IFT122: variants seen among roughly 807,000 people sequenced by gnomAD.
The protein encoded by IFT122 is intraflagellar transport 122.
Under a neutral mutation model 161.6 loss-of-function variants are expected in IFT122, and 118 were observed. The observed-to-expected ratio is 0.73, with a 90% CI of 0.63 to 0.85. The LOEUF (loss-of-function observed/expected upper bound fraction) is 0.85, where lower values mean the gene tolerates loss of function less well. Among genes scored for constraint, IFT122 ranks in the 40% least tolerant of loss-of-function variants. The pLI is 0.00. For synonymous variants in IFT122, 550 were observed against 602.4 expected, an observed-to-expected ratio of 0.91 and a Z score of 1.27; for missense variants, 1,381 against 1,579.6, an observed-to-expected ratio of 0.87 and a Z score of 2.13.
chr3:129,470,716 A>T (rs1015661530), intron 9 of IFT122, among the ~76,000 whole-genome samples: 1 of 151,924 alleles, frequency 6.6e-6, no homozygotes, highest in African/African-American at 2.4e-5. Flanking sequence ...GATTACAGGC[A>T]TGTGCCACCA....
chr3:129,442,476 C>T (rs975401957), intron 1 of IFT122, among the ~76,000 whole-genome samples: 1 of 151,864 alleles, frequency 6.6e-6, no homozygotes, highest in South Asian at 2.1e-4. Context: ...TTTGAGACAA[C>T]CTATTAGGAT....
intron 10 of IFT122, 77 bp downstream of exon 10, chr3:129,476,583 A>G: frequency 6.2e-7 from 1 of 1,613,492 alleles, no homozygotes. Context: ...GAGTCACATC[A>G]CTGGGGTTTG....
chr3:129,481,707 A>C lies in IFT122; in HGVS notation c.1653+13A>C. 6.2e-7 allele frequency: 1 copy of C among 1,613,284 alleles called. No homozygotes were observed. The highest frequency in any genetic ancestry group is 8.5e-7 in the Non-Finnish European group (1 of 1,179,370). On this transcript the variant is annotated intron_variant, in intron 14 of 29. Coordinates refer to ENST00000348417, the MANE Select transcript of IFT122 (RefSeq NM_052989.3). ...GCTGCTTTTTCAGGTGAAGTCCCTG[A>C]GGGGGCCCAGGGACATCATCCTTTG...
chr3:129,456,030 G>A (rs1187764098), intron 3 of IFT122: 5 of 444,144 alleles, frequency 1.1e-5, no homozygotes, highest in Non-Finnish European at 2.3e-5. Context: ...GGGGTCAACT[G>A]TATGTACACA....
intron 3 of IFT122, among the ~76,000 whole-genome samples, chr3:129,453,428 G>A (rs998579809): frequency 3.3e-5 from 5 of 152,168 alleles, no homozygotes; most frequent in Non-Finnish European, 7.3e-5. Flanking sequence ...CCCAGGAGGT[G>A]TAGTGAGATC....
chr3:129,473,172 G>A lies in IFT122; in HGVS notation c.817-3143G>A, dbSNP rs112375495. 4.1e-3 allele frequency among the ~76,000 whole-genome samples: 627 copies of A among 152,242 alleles called. 5 individuals carry two copies. The highest frequency in any genetic ancestry group is 0.015 in the African/African-American group (609 of 41,548). ...AACAAATTGGCCAGGGAGGTGGCAGGCACCCATTGTCCTAACAACTCTGTA... is the reference window on the plus strand; with the variant it reads ...AACAAATTGGCCAGGGAGGTGGCAGACACCCATTGTCCTAACAACTCTGTA... On this transcript the variant is annotated intron_variant, in intron 9 of 29. Coordinates refer to ENST00000348417, the MANE Select transcript of IFT122 (RefSeq NM_052989.3).
At chr3:129,452,468 T>C (rs2074967516) in intron 3 of IFT122, among the ~76,000 whole-genome samples, 1 of 151,978 alleles carries the variant, frequency 6.6e-6, no homozygotes, top group Non-Finnish European at 1.5e-5. Flanking sequence ...GGTGGGCTCA[T>C]TGAGATGAGG....
chr3:129,487,321 G>GA (rs751478041), intron 15 of IFT122, among the ~76,000 whole-genome samples: 1 of 152,230 alleles, frequency 6.6e-6, no homozygotes, highest in Non-Finnish European at 1.5e-5. Context: ...CATGTGGCAG[G>GA]AAGGGGCACA....
intron 19 of IFT122, among the ~76,000 whole-genome samples, chr3:129,500,841 TAGTG>T (rs1039091820): frequency 6.6e-6 from 1 of 152,000 alleles, no homozygotes; most frequent in African/African-American, 2.4e-5. Flanking sequence ...GATTTGCCAA[TAGTG>T]AGTGACCACC....
chr3:129,481,329 A>G (rs1480353838), intron 13 of IFT122: 5 of 571,752 alleles, frequency 8.7e-6, no homozygotes, highest in Non-Finnish European at 9.8e-6. Context: ...CCTCTGATGA[A>G]CCTCGCTTCT....
intron 2 of IFT122, 151 bp downstream of exon 2, chr3:129,450,088 G>A (rs1292086252): frequency 7.5e-6 from 5 of 666,530 alleles, no homozygotes; most frequent in East Asian, 2.7e-5. Context: ...GATGGAAATG[G>A]GCTATTTAAA....
At chr3:129,517,345 CTCT>C in intron 26 of IFT122, 121 bp from the exon 27 acceptor site, 3 of 1,261,856 alleles carry the variant, frequency 2.4e-6, no homozygotes, top group Non-Finnish European at 3.4e-6. Context: ...CCCCTGCTGC[CTCT>C]TCTTGCTTTT....
intron 2 of IFT122, among the ~76,000 whole-genome samples, chr3:129,451,122 A>G (rs2074785538): frequency 6.6e-6 from 1 of 152,058 alleles, no homozygotes; most frequent in Non-Finnish European, 1.5e-5. Context: ...TCTTAGAGAC[A>G]GGGTTGTGCT....
In IFT122 at chr3:129,512,491, T is replaced by C. The variant is rs992637819; in HGVS notation, c.2987+79T>C. Reference sequence around the variant, plus strand: ...CCAAGAAATTCCTTCCAGAGCACTTTCCTGGCAGAACCTTCCTCTCTCAGC... The same window carrying C: ...CCAAGAAATTCCTTCCAGAGCACTTCCCTGGCAGAACCTTCCTCTCTCAGC... On this transcript the variant is annotated intron_variant, in intron 24 of 29. Transcript: ENST00000348417. 94 of 1,008,760 alleles carry C rather than the reference T, an allele frequency of 9.3e-5. No individual in the cohort carries two copies. The African/African-American group carries it at 1.3e-3, about 14-fold the overall frequency. 62.5% of individuals were successfully genotyped at this position (1,008,760 alleles called of 1,614,324 possible). A position where few individuals can be genotyped will look rare whatever the true frequency, so the allele number is the denominator to read the frequency against.
chr3:129,452,011 T>G lies in IFT122; in HGVS notation c.193+13T>G, dbSNP rs747129730. ...TATGCGAAGGATGGTAAAAGGCTGC[T>G]CTGGGTTTCCATTCTCTATAATAGC... On this transcript the variant is annotated intron_variant, in intron 3 of 29. Transcript: ENST00000348417. 1 of 1,595,156 alleles carries G rather than the reference T, an allele frequency of 6.3e-7. No homozygotes were observed. The highest frequency in any genetic ancestry group is 8.6e-7 in the Non-Finnish European group (1 of 1,162,800).
At chr3:129,513,942 G>C in intron 24 of IFT122, 1 of 338,390 alleles carries the variant, frequency 3.0e-6, no homozygotes, top group South Asian at 2.3e-5. Flanking sequence ...TGCAGACAGA[G>C]TGGGGTACAC....
chr3:129,452,872 G>C (rs542142914), intron 3 of IFT122, among the ~76,000 whole-genome samples: 2 of 152,278 alleles, frequency 1.3e-5, no homozygotes, highest in South Asian at 4.2e-4. Flanking sequence ...AGACCTCTGT[G>C]GGGGCAGAGG....
intron 17 of IFT122, among the ~76,000 whole-genome samples, chr3:129,494,002 A>G (rs181660491): frequency 7.0e-4 from 106 of 152,328 alleles, no homozygotes; most frequent in Admixed American, 1.2e-3. Context: ...CTGGGTGCTC[A>G]GCATAATTCC....
chr3:129,516,729 G>GAGACTGCCCCTGCACACACACACAC (rs2108686224), intron 26 of IFT122, among the ~76,000 whole-genome samples: 1 of 91,358 alleles, frequency 1.1e-5, no homozygotes, highest in Non-Finnish European at 2.0e-5. Flanking sequence ...CACACACAGA[G>GAGACTGCCCCTGCACACACACACAC]AGACTGCCCC....
Sources: gnomAD v4.1 joint callset for allele counts (sites outside exome capture counted in the v4.1 genomes callset) on GRCh38, gnomAD v4.1.1 for gene constraint, MANE v1.5 for transcripts, NCBI Gene and HGNC (gene_info 2026-07-23, HGNC 2026-07-21) for gene names.